Variants in PAK3 observed in about 807,000 individuals in gnomAD.
The protein encoded by PAK3 is p21 (RAC1) activated kinase 3.
Under a neutral mutation model 41.0 loss-of-function variants are expected in PAK3, and 4 were observed. That is an observed-to-expected ratio of 0.10 (90% CI 0.05 to 0.22). The LOEUF is 0.22. Among genes scored for constraint, PAK3 ranks in the 10% least tolerant of loss-of-function variants. The pLI is 1.00. For synonymous variants in PAK3, 146 were observed against 139.6 expected, an observed-to-expected ratio of 1.05 and a Z score of -0.32; for missense variants, 205 against 409.9, an observed-to-expected ratio of 0.50 and a Z score of 4.32.
At chrX:111,077,669 T>G (rs2092798065) in intron 1 of PAK3, among the ~76,000 whole-genome samples, 2 of 111,892 alleles carry the variant, frequency 1.8e-5, no homozygotes, top group Admixed American at 9.5e-5. Context: ...CAAAATGGGT[T>G]GAAGACTTAA....
chrX:111,141,684 T>A (rs964708032), intron 5 of PAK3, among the ~76,000 whole-genome samples: 1 of 112,060 alleles, frequency 8.9e-6, no homozygotes, highest in Non-Finnish European at 1.9e-5. Flanking sequence ...CAATTCACAA[T>A]ATCTTTATTG....
intron 4 of PAK3, among the ~76,000 whole-genome samples, chrX:111,117,064 C>T (rs886597278): frequency 2.7e-5 from 3 of 111,394 alleles, no homozygotes; most frequent in East Asian, 5.7e-4. Context: ...CCAGAAGAGG[C>T]GAGCTCCAAA....
chrX:111,024,526 T>G, intron 1 of PAK3, among the ~76,000 whole-genome samples: 1 of 111,085 alleles, frequency 9.0e-6, no homozygotes, highest in East Asian at 2.8e-4. Context: ...CAAAACAAAC[T>G]TTAAAGCAAA....
chrX:110,999,484 C>A (rs1399093751), intron 1 of PAK3, among the ~76,000 whole-genome samples: 3 of 110,588 alleles, frequency 2.7e-5, no homozygotes, highest in Non-Finnish European at 5.7e-5. Context: ...AATAAATAAA[C>A]CCCTTGGGAC....
chrX:111,007,764 G>C (rs138106149), intron 1 of PAK3, among the ~76,000 whole-genome samples: 290 of 111,469 alleles, frequency 2.6e-3, no homozygotes, highest in African/African-American at 9.3e-3. Flanking sequence ...TGAATTAGAG[G>C]CTATCCTGTT....
chrX:110,991,288 T>A (rs765651045), intron 1 of PAK3, among the ~76,000 whole-genome samples: 1 of 112,294 alleles, frequency 8.9e-6, no homozygotes, highest in Non-Finnish European at 1.9e-5. Context: ...AATTACATGA[T>A]GTGTGTTAAA....
At chrX:111,060,052 T>A (rs1333654854) in intron 1 of PAK3, among the ~76,000 whole-genome samples, 1 of 111,727 alleles carries the variant, frequency 9.0e-6, no homozygotes, top group Non-Finnish European at 1.9e-5. Context: ...TTAAGTATGA[T>A]GTTAGCTGTG....
At chrX:110,973,152 C>G (rs1202757424) in intron 1 of PAK3, among the ~76,000 whole-genome samples, 1 of 111,498 alleles carries the variant, frequency 9.0e-6, no homozygotes, top group Admixed American at 9.5e-5. Context: ...AGGATATTAT[C>G]CAGGAGAACT....
At chrX:110,989,430 T>C (rs2091603724) in intron 1 of PAK3, among the ~76,000 whole-genome samples, 1 of 112,576 alleles carries the variant, frequency 8.9e-6, no homozygotes, top group South Asian at 3.6e-4. Context: ...TTTCCAATTT[T>C]TAATGCTGCC....
chrX:111,016,245 T>G (rs1402806526), intron 1 of PAK3, among the ~76,000 whole-genome samples: 1 of 112,081 alleles, frequency 8.9e-6, no homozygotes, highest in Non-Finnish European at 1.9e-5. Flanking sequence ...CATCTATGAT[T>G]GGGCCAAAGG....
At chrX:111,107,081 G>A (rs1378660413) in intron 4 of PAK3, among the ~76,000 whole-genome samples, 1 of 111,986 alleles carries the variant, frequency 8.9e-6, no homozygotes, top group Non-Finnish European at 1.9e-5. Flanking sequence ...ATAGTGAAAG[G>A]AAGATGAAGG....
intron 5 of PAK3, among the ~76,000 whole-genome samples, chrX:111,139,433 T>G (rs1219806803): frequency 9.0e-6 from 1 of 111,647 alleles, no homozygotes; most frequent in African/African-American, 3.3e-5. Flanking sequence ...AGTATTGTTT[T>G]TATTTGAATT....
chrX:111,152,826 G>T, intron 8 of PAK3: 1 of 128,202 alleles, frequency 7.8e-6, no homozygotes. Flanking sequence ...GACTTTTGAG[G>T]ATTGGCTTTT....
intron 6 of PAK3, among the ~76,000 whole-genome samples, chrX:111,146,320 G>A (rs748270447): frequency 6.3e-5 from 7 of 111,170 alleles, no homozygotes; most frequent in South Asian, 3.8e-4. Context: ...AAGCATCGTC[G>A]TTCTCTCTGT....
At chrX:111,105,368 ACT>A (rs2093236516) in intron 4 of PAK3, among the ~76,000 whole-genome samples, 1 of 110,976 alleles carries the variant, frequency 9.0e-6, no homozygotes, top group African/African-American at 3.3e-5. Flanking sequence ...AGTCATACAT[ACT>A]CTATACACAA....
intron 1 of PAK3, among the ~76,000 whole-genome samples, chrX:111,027,468 C>A (rs1005669860): frequency 2.7e-5 from 3 of 111,090 alleles, no homozygotes; most frequent in Non-Finnish European, 5.7e-5. Flanking sequence ...AACAAATCAG[C>A]GAGAAAAAAA....
intron 1 of PAK3, among the ~76,000 whole-genome samples, chrX:111,060,034 T>C (rs984195857): frequency 4.5e-5 from 5 of 111,817 alleles, no homozygotes; most frequent in African/African-American, 6.5e-5. Context: ...ACTTTCAGTC[T>C]TCCATTATTA....
chrX:111,122,839 T>C lies in PAK3; in HGVS notation c.-27-238T>C, dbSNP rs1015785733. ...AAGCAAAGGGACTTACATATTTTTA[T>C]AATATTTGAAAAGCCATTAATTACT... On this transcript the variant is annotated intron_variant, in intron 4 of 17. Transcript: ENST00000372007. 2.7e-5 allele frequency among the ~76,000 whole-genome samples: 3 copies of C among 111,890 alleles called. No homozygotes were observed. The Admixed American group carries it at 2.8e-4, about 11-fold the overall frequency.
intron 1 of PAK3, among the ~76,000 whole-genome samples, chrX:111,020,700 C>T (rs1349682406): frequency 8.9e-6 from 1 of 111,846 alleles, no homozygotes; most frequent in African/African-American, 3.3e-5. Context: ...CCTGAGATGT[C>T]AAAAACCTGT....
Sources: gnomAD v4.1 joint callset for allele counts (sites outside exome capture counted in the v4.1 genomes callset) on GRCh38, gnomAD v4.1.1 for gene constraint, MANE v1.5 for transcripts, NCBI Gene and HGNC (gene_info 2026-07-23, HGNC 2026-07-21) for gene names.